The following CENPA variants were observed in gnomAD, a reference collection of about 807,000 sequenced individuals.
CENPA encodes centromere protein A.
CENPA carries 7 observed loss-of-function variants against 17.2 expected under a neutral mutation model. The observed-to-expected ratio is 0.41, with a 90% CI of 0.23 to 0.76. The LOEUF (loss-of-function observed/expected upper bound fraction) is 0.76. Among genes scored for constraint, CENPA ranks in the 30% least tolerant of loss-of-function variants. The pLI is 0.34. For missense variants in CENPA, 149 were observed against 193.1 expected, an observed-to-expected ratio of 0.77 and a Z score of 1.35; for synonymous variants, 82 against 77.4, an observed-to-expected ratio of 1.06 and a Z score of -0.31.
At chr2:26,790,969 C>T (rs1272155967) in intron 1 of CENPA, among the ~76,000 whole-genome samples, 1 of 152,226 alleles carries the variant, frequency 6.6e-6, no homozygotes, top group Non-Finnish European at 1.5e-5. Context: ...AATAACATTT[C>T]TGAAACAATT....
At chr2:26,788,292 C>T (rs557292965) in intron 1 of CENPA, among the ~76,000 whole-genome samples, 11 of 152,238 alleles carry the variant, frequency 7.2e-5, no homozygotes, top group Non-Finnish European at 1.2e-4. Flanking sequence ...GCTAGGATGA[C>T]AGACCTGCAC....
At chr2:26,789,398 C>T (rs1664575941) in intron 1 of CENPA, among the ~76,000 whole-genome samples, 2 of 151,964 alleles carry the variant, frequency 1.3e-5, no homozygotes, top group African/African-American at 4.8e-5. Context: ...CCTCCCTCGG[C>T]TCCTTGATGT....
chr2:26,793,298 T>A lies in CENPA; in HGVS notation c.*19T>A, dbSNP rs372773478. ...CGGCTGAGCTCCTGCACCCAGTGTT[T>A]CTGTCAGTCTTTCCTGCTCAGCCAG... On this transcript the variant is annotated 3_prime_UTR_variant, in exon 4 of 5. Transcript: ENST00000335756. 19 of 1,612,896 alleles carry A rather than the reference T, an allele frequency of 1.2e-5. No individual in the cohort carries two copies. The highest frequency in any genetic ancestry group is 1.6e-5 in the Non-Finnish European group (19 of 1,179,814).
In CENPA at chr2:26,786,256, G is replaced by T; in HGVS notation, c.60G>T (p.Pro20=). 7.3e-7 allele frequency: 1 copy of T among 1,365,820 alleles called. No individual in the cohort carries two copies. Among genetic ancestry groups the T allele is most frequent in the Non-Finnish European group, 9.4e-7 (1 of 1,066,568 alleles). The allele number at this position is 1,365,820 out of a possible 1,614,324, so 84.6% of individuals were successfully genotyped here. A position where few individuals can be genotyped will look rare whatever the true frequency, so the allele number is the denominator to read the frequency against. The change falls in exon 1 of 5, where the codon CCG becomes CCT. Residue 20 remains proline, a synonymous_variant. Coordinates refer to ENST00000335756, the MANE Select transcript of CENPA (RefSeq NM_001809.4). ...CCCCGAGGAGGCGCAGCCCGAGCCC[G>T]ACCCCGACCCCCGGCCCCTCCCGGC... is the stretch of plus-strand genomic sequence containing the variant. ...PEAPRRRSPS[P]TPTPGPSRRG...
Position 26,792,827 on chromosome 2 carries a change from A to G in CENPA, c.282A>G (p.Leu94=), listed in dbSNP as rs923246003. ...GGCAAGCCCAGGCCCTATTGGCCCT[A>G]CAAGAGGTAAGAAGGCACCAAGGCA... is the stretch of plus-strand genomic sequence containing the variant. ...FNWQAQALLA[L]QEAAEAFLVH... Residue 94 remains leucine, a synonymous_variant, in exon 3 of 5, where the codon CTA becomes CTG. Coordinates refer to ENST00000335756, the MANE Select transcript of CENPA (RefSeq NM_001809.4). The G allele has an allele frequency of 6.2e-7, 1 of 1,614,092 alleles. No individual in the cohort carries two copies. The highest frequency in any genetic ancestry group is 8.5e-7 in the Non-Finnish European group (1 of 1,179,958).
chr2:26,788,081 T>A (rs1450600462), intron 1 of CENPA, among the ~76,000 whole-genome samples: 2 of 152,224 alleles, frequency 1.3e-5, no homozygotes, highest in Admixed American at 1.3e-4. Context: ...CTTCTACTCC[T>A]GGTTAAATGG....
At chr2:26,789,528 C>T (rs1260313980) in intron 1 of CENPA, among the ~76,000 whole-genome samples, 1 of 152,030 alleles carries the variant, frequency 6.6e-6, no homozygotes, top group Non-Finnish European at 1.5e-5. Context: ...CTGGATCTCT[C>T]CTCTGACCCC....
intron 1 of CENPA, among the ~76,000 whole-genome samples, chr2:26,789,776 CA>C (rs1486147112): frequency 1.3e-5 from 2 of 152,150 alleles, no homozygotes; most frequent in African/African-American, 4.8e-5. Flanking sequence ...TTAATCACTC[CA>C]TTTTCACCAT....
chr2:26,790,027 T>C (rs1664586387), intron 1 of CENPA, among the ~76,000 whole-genome samples: 1 of 152,244 alleles, frequency 6.6e-6, no homozygotes, highest in Admixed American at 6.5e-5. Flanking sequence ...AAATTTTTGA[T>C]CCCAGTTCTT....
At chr2:26,787,835 C>A (rs1266733918) in intron 1 of CENPA, among the ~76,000 whole-genome samples, 1 of 152,200 alleles carries the variant, frequency 6.6e-6, no homozygotes, top group Non-Finnish European at 1.5e-5. Context: ...AATTCTCGTT[C>A]ACCCTAGTCG....
rs369992100 is a variant in CENPA at position 26,792,227 on chromosome 2, C to T, written c.197C>T (p.Pro66Leu). The T allele has an allele frequency of 5.0e-6, 8 of 1,613,178 alleles. No individual in the cohort carries two copies. Among genetic ancestry groups the T allele is most frequent in the Non-Finnish European group, 6.8e-6 (8 of 1,179,640 alleles). Residue 66 changes from proline to leucine, a missense_variant, in exon 2 of 5, where the codon CCC becomes CTC. This residue lies in a region of CENPA where 54 missense variants were observed against 105.7 expected (regional missense o/e 0.51). Transcript: ENST00000335756. The part of the protein sequence containing the change: ...KSTHLLIRKL[P>L]FSRLAREICV... ...ACACACCTCTTGATAAGGAAGCTGC[C>T]CTTCAGCCGCCTGGTAAGCTCCGGG...
chr2:26,787,457 C>T (rs2148065572), intron 1 of CENPA, among the ~76,000 whole-genome samples: 1 of 151,994 alleles, frequency 6.6e-6, no homozygotes, highest in East Asian at 1.9e-4. Flanking sequence ...CCTCGTGATC[C>T]GCCCACCTCG....
chr2:26,792,263 C>CA, intron 2 of CENPA, 23 bp downstream of exon 2: 1 of 1,571,328 alleles, frequency 6.4e-7, no homozygotes, highest in Non-Finnish European at 8.7e-7. Flanking sequence ...AGCTTCCCAC[C>CA]AACCCCTATG....
At position 26,794,335 on chromosome 2, in the gene CENPA, A is replaced by T. The variant is rs557088740; in HGVS notation, c.*571A>T. 117 of 152,324 alleles carry T rather than the reference A, an allele frequency of 7.7e-4. No homozygotes were observed. Among genetic ancestry groups the T allele is most frequent in the African/African-American group, 2.8e-3 (117 of 41,578 alleles). The allele number at this position is 152,324 out of a possible 1,614,324, so 9.4% of individuals were successfully genotyped here. A position where few individuals can be genotyped will look rare whatever the true frequency, so the allele number is the denominator to read the frequency against. The stretch of plus-strand genomic sequence containing the variant: ...CTGAGTGGACTGTGCTTGTCAACGG[A>T]TGTGTAGCTTTTCAGAAACTTAATT... On this transcript the variant is annotated 3_prime_UTR_variant, in exon 5 of 5. Transcript: ENST00000335756.
chr2:26,788,966 C>T (rs1007030220), intron 1 of CENPA, among the ~76,000 whole-genome samples: 3 of 152,198 alleles, frequency 2.0e-5, no homozygotes, highest in Non-Finnish European at 4.4e-5. Flanking sequence ...TGAGCCGCTG[C>T]GCCTGGCCGT....
intron 1 of CENPA, among the ~76,000 whole-genome samples, chr2:26,787,472 C>T (rs779138562): frequency 1.4e-4 from 21 of 152,034 alleles, no homozygotes; most frequent in Non-Finnish European, 2.8e-4. Flanking sequence ...ACCTCGGTCT[C>T]CCAAAGTGCT....
At chr2:26,788,163 A>G (rs1446936445) in intron 1 of CENPA, among the ~76,000 whole-genome samples, 1 of 148,414 alleles carries the variant, frequency 6.7e-6, no homozygotes, top group Non-Finnish European at 1.5e-5. Context: ...TCTTTCTTCA[A>G]TTTTCGAGAC....
At chr2:26,786,402 C>G (rs907675262) in intron 1 of CENPA, 106 bp downstream of exon 1, 4 of 1,246,482 alleles carry the variant, frequency 3.2e-6, no homozygotes, top group Admixed American at 4.3e-5. Context: ...TGGGGGACAA[C>G]GCGGTTCCGC....
At chr2:26,793,031 T>C (rs1262632097) in intron 3 of CENPA, 114 bp from the exon 4 acceptor site, 1 of 1,446,798 alleles carries the variant, frequency 6.9e-7, no homozygotes, top group African/African-American at 1.4e-5. Flanking sequence ...TCTCATTCTG[T>C]GAATAGTTTC....
Sources: gnomAD v4.1 joint callset for allele counts (sites outside exome capture counted in the v4.1 genomes callset) on GRCh38, gnomAD v4.1.1 for gene constraint, gnomAD v4.1.1 regional missense constraint, MANE v1.5 for transcripts, NCBI Gene and HGNC (gene_info 2026-07-23, HGNC 2026-07-21) for gene names.